The following TSPAN5 variants were observed in gnomAD, a reference collection of about 807,000 sequenced individuals.
The protein encoded by TSPAN5 is tetraspanin-5.
Under a neutral mutation model 37.1 loss-of-function variants are expected in TSPAN5, and 10 were observed. The observed-to-expected ratio is 0.27, with a 90% confidence interval of 0.17 to 0.46. TSPAN5 has a LOEUF of 0.46. Ranked by LOEUF, TSPAN5 falls within the 20% of genes least tolerant of loss-of-function variation. The pLI is 1.00. For synonymous variants in TSPAN5, 110 were observed against 118.9 expected (o/e 0.93, Z 0.48); for missense variants, 195 against 326.6 (o/e 0.60, Z 3.11).
intron 1 of TSPAN5, among the ~76,000 whole-genome samples, chr4:98,605,243 T>C (rs540828695): frequency 6.6e-6 from 1 of 152,196 alleles, no homozygotes; most frequent in Non-Finnish European, 1.5e-5. Flanking sequence ...CATTTTAATA[T>C]AAACTTGAAG....
intron 2 of TSPAN5, among the ~76,000 whole-genome samples, chr4:98,497,254 T>C (rs1420907243): frequency 1.3e-5 from 2 of 148,828 alleles, no homozygotes; most frequent in African/African-American, 5.0e-5. Flanking sequence ...GAGGCGGAGG[T>C]TGCAGTGAGC....
At chr4:98,622,086 C>A (rs974147411) in intron 1 of TSPAN5, among the ~76,000 whole-genome samples, 2 of 152,068 alleles carry the variant, frequency 1.3e-5, no homozygotes, top group Non-Finnish European at 2.9e-5. Flanking sequence ...ATTATGCACA[C>A]TTTCTTTTTT....
intron 1 of TSPAN5, among the ~76,000 whole-genome samples, chr4:98,637,777 T>A (rs915118102): frequency 6.6e-6 from 1 of 152,230 alleles, no homozygotes; most frequent in Non-Finnish European, 1.5e-5. Flanking sequence ...TATAAATGTT[T>A]CTCTAAATCG....
At chr4:98,608,945 T>C (rs1430983651) in intron 1 of TSPAN5, among the ~76,000 whole-genome samples, 1 of 152,228 alleles carries the variant, frequency 6.6e-6, no homozygotes, top group Non-Finnish European at 1.5e-5. Flanking sequence ...CTGTAGTTAC[T>C]AACACATGGC....
chr4:98,528,940 A>C (rs1226880152), intron 1 of TSPAN5, among the ~76,000 whole-genome samples: 2 of 152,160 alleles, frequency 1.3e-5, no homozygotes, highest in Non-Finnish European at 2.9e-5. Flanking sequence ...AAAAGGGGAG[A>C]GGTACTGTTA....
chr4:98,617,396 G>A (rs1462755495), intron 1 of TSPAN5, among the ~76,000 whole-genome samples: 1 of 152,088 alleles, frequency 6.6e-6, no homozygotes, highest in Admixed American at 6.6e-5. Flanking sequence ...ACCTAGCCAA[G>A]AATGATTTAA....
intron 1 of TSPAN5, among the ~76,000 whole-genome samples, chr4:98,531,416 T>G (rs1196997033): frequency 6.6e-6 from 1 of 152,234 alleles, no homozygotes; most frequent in East Asian, 1.9e-4. Flanking sequence ...TTTTTATGGC[T>G]GCATAGCATT....
intron 1 of TSPAN5, among the ~76,000 whole-genome samples, chr4:98,647,444 C>CTT (rs1757091348): frequency 6.6e-6 from 1 of 152,156 alleles, no homozygotes; most frequent in Admixed American, 6.5e-5. Context: ...TAATTGAGTA[C>CTT]AATGCATTAA....
chr4:98,495,300 C>A (rs1197100850), intron 2 of TSPAN5, among the ~76,000 whole-genome samples: 2 of 152,100 alleles, frequency 1.3e-5, no homozygotes, highest in Non-Finnish European at 2.9e-5. Flanking sequence ...GAGGCCGAGG[C>A]GGGTGGATCA....
chr4:98,540,343 CTT>C (rs879675525), intron 1 of TSPAN5, among the ~76,000 whole-genome samples: 1 of 146,596 alleles, frequency 6.8e-6, no homozygotes, highest in Non-Finnish European at 1.5e-5. Flanking sequence ...TTCCCTCTTC[CTT>C]TTTTTTTTTG....
chr4:98,510,076 C>CT (rs1352374497), intron 1 of TSPAN5: 1 of 152,158 alleles, frequency 6.6e-6, no homozygotes, highest in African/African-American at 2.4e-5. Flanking sequence ...GTTTTTATTA[C>CT]TTTCCAGGCA....
At chr4:98,525,091 T>C (rs1308520863) in intron 1 of TSPAN5, among the ~76,000 whole-genome samples, 1 of 152,212 alleles carries the variant, frequency 6.6e-6, no homozygotes, top group Non-Finnish European at 1.5e-5. Flanking sequence ...GAAACAGCTT[T>C]CCTAAATTAA....
intron 1 of TSPAN5, among the ~76,000 whole-genome samples, chr4:98,559,721 G>C (rs922352095): frequency 1.3e-5 from 2 of 152,082 alleles, no homozygotes; most frequent in African/African-American, 4.8e-5. Context: ...AACATTTTTA[G>C]CCCCTGTATC....
chr4:98,531,811 A>C (rs2110129465), intron 1 of TSPAN5, among the ~76,000 whole-genome samples: 1 of 152,368 alleles, frequency 6.6e-6, no homozygotes, highest in African/African-American at 2.4e-5. Flanking sequence ...TCTAATGACC[A>C]ATAATGATGA....
chr4:98,602,696 T>C (rs1755909300), intron 1 of TSPAN5, among the ~76,000 whole-genome samples: 1 of 152,194 alleles, frequency 6.6e-6, no homozygotes, highest in Non-Finnish European at 1.5e-5. Context: ...GCTTTTGCCC[T>C]GCGACAGAAT....
At chr4:98,570,379 A>T (rs987833951) in intron 1 of TSPAN5, among the ~76,000 whole-genome samples, 2 of 152,238 alleles carry the variant, frequency 1.3e-5, no homozygotes, top group Admixed American at 1.3e-4. Flanking sequence ...ACCAAACCAT[A>T]CGTAAGGCAC....
intron 1 of TSPAN5, among the ~76,000 whole-genome samples, chr4:98,631,404 C>T (rs953628035): frequency 5.9e-5 from 9 of 152,186 alleles, no homozygotes; most frequent in Non-Finnish European, 1.3e-4. Context: ...ATGTTCCATC[C>T]CTGACTCCGG....
At chr4:98,648,360 AAGG>A (rs1448726574) in intron 1 of TSPAN5, among the ~76,000 whole-genome samples, 6 of 152,000 alleles carry the variant, frequency 3.9e-5, no homozygotes, top group Non-Finnish European at 8.8e-5. Flanking sequence ...ATTTTTTTTG[AAGG>A]AGAAGGTGGT....
chr4:98,509,744 C>T (rs1176368778), intron 1 of TSPAN5: 4 of 152,196 alleles, frequency 2.6e-5, no homozygotes, highest in Non-Finnish European at 5.9e-5. Context: ...CTCAAAGGTA[C>T]TTAGGACTCT....
Sources: allele counts gnomAD v4.1 joint callset (sites outside exome capture counted in the v4.1 genomes callset), GRCh38; gene constraint gnomAD v4.1.1; transcripts MANE v1.5; gene names NCBI Gene and HGNC (gene_info 2026-07-23, HGNC 2026-07-21).